Variants in ZFHX3 observed in about 807,000 individuals in gnomAD.
ZFHX3 encodes the protein zinc finger homeobox protein 3.
ZFHX3 carries 42 observed loss-of-function variants against 279.1 expected under a neutral mutation model. The observed-to-expected ratio is 0.15, with a 90% CI of 0.12 to 0.19. The LOEUF is 0.19. ZFHX3 is among the 10% of genes least tolerant of loss of function. ZFHX3 has a pLI of 1.00. For synonymous variants in ZFHX3, 2,293 were observed against 1,957.8 expected, an observed-to-expected ratio of 1.17 and a Z score of -4.52; for missense variants, 4,981 against 4,754.0, an observed-to-expected ratio of 1.05 and a Z score of -1.40.
At chr16:73,872,240 T>A (rs999627047) in intron 1 of ZFHX3, among the ~76,000 whole-genome samples, 11 of 151,096 alleles carry the variant, frequency 7.3e-5, no homozygotes, top group Non-Finnish European at 1.2e-4. Context: ...AGAGAGGACA[T>A]CCCTGTTTTT....
intron 3 of ZFHX3, among the ~76,000 whole-genome samples, chr16:72,917,483 C>T (rs955966747): frequency 4.6e-5 from 7 of 152,128 alleles, no homozygotes; most frequent in Non-Finnish European, 1.0e-4. Context: ...CAGTGAAAAA[C>T]TGGAAACAAG....
intron 2 of ZFHX3, among the ~76,000 whole-genome samples, chr16:73,591,158 C>T (rs1360587105): frequency 6.7e-6 from 1 of 149,552 alleles, no homozygotes; most frequent in Admixed American, 6.7e-5. Context: ...CGAGATCAGC[C>T]TGACCAACAT....
intron 2 of ZFHX3, among the ~76,000 whole-genome samples, chr16:73,639,865 G>A (rs2052558725): frequency 6.6e-6 from 1 of 152,176 alleles, no homozygotes; most frequent in African/African-American, 2.4e-5. Flanking sequence ...AGGAAAAAAA[G>A]CCATGATAAG....
intron 5 of ZFHX3, among the ~76,000 whole-genome samples, chr16:73,226,377 T>C (rs1442299993): frequency 1.3e-5 from 2 of 152,250 alleles, no homozygotes; most frequent in African/African-American, 4.8e-5. Context: ...TGTACACATG[T>C]TGTTCTAAGC....
chr16:73,504,290 A>T (rs1337974010), intron 2 of ZFHX3: 2 of 152,232 alleles, frequency 1.3e-5, no homozygotes, highest in Non-Finnish European at 2.9e-5. Flanking sequence ...AAGGAAAGAA[A>T]CAAGTGAACT....
intron 1 of ZFHX3, among the ~76,000 whole-genome samples, chr16:72,960,642 CA>C (rs1342791208): frequency 6.6e-6 from 1 of 152,256 alleles, no homozygotes; most frequent in African/African-American, 2.4e-5. Context: ...GTCTGTGGGT[CA>C]GGGGAACACA....
At chr16:73,730,372 A>AAAAAAAAAAG (rs1567564117) in intron 1 of ZFHX3, among the ~76,000 whole-genome samples, 2 of 114,572 alleles carry the variant, frequency 1.7e-5, no homozygotes, top group Non-Finnish European at 3.7e-5. Context: ...AAAAAAAAAA[A>AAAAAAAAAAG]AAAGAAAAAG....
chr16:73,532,017 G>A (rs938851106), intron 2 of ZFHX3, among the ~76,000 whole-genome samples: 6 of 152,092 alleles, frequency 3.9e-5, no homozygotes, highest in African/African-American at 1.4e-4. Flanking sequence ...GAGCCCATGA[G>A]TTGGAGGTTA....
intron 5 of ZFHX3, among the ~76,000 whole-genome samples, chr16:73,156,453 C>G (rs1385359825): frequency 3.3e-5 from 5 of 152,142 alleles, no homozygotes; most frequent in African/African-American, 1.2e-4. Context: ...AGAACTGCTA[C>G]CATGGATCCG....
chr16:73,382,058 G>C (rs1428366140), intron 3 of ZFHX3, among the ~76,000 whole-genome samples: 1 of 152,190 alleles, frequency 6.6e-6, no homozygotes, highest in Non-Finnish European at 1.5e-5. Context: ...TGGCCTGTGG[G>C]CCATAGTTTG....
intron 4 of ZFHX3, among the ~76,000 whole-genome samples, chr16:72,885,323 C>T (rs2038596666): frequency 6.6e-6 from 1 of 152,238 alleles, no homozygotes; most frequent in Admixed American, 6.5e-5. Context: ...ATGTACGTGC[C>T]CAACCACGAG....
intron 1 of ZFHX3, among the ~76,000 whole-genome samples, chr16:73,704,107 G>A (rs931931375): frequency 9.2e-5 from 14 of 152,154 alleles, no homozygotes; most frequent in Admixed American, 5.9e-4. Flanking sequence ...GATTGGGCAC[G>A]TTCAGGGTGG....
intron 3 of ZFHX3, among the ~76,000 whole-genome samples, chr16:73,423,803 A>G (rs2017761281): frequency 2.0e-5 from 3 of 151,386 alleles, no homozygotes; most frequent in Non-Finnish European, 4.4e-5. Context: ...TGGAGGTTGC[A>G]GTGAGCTGAG....
chr16:73,252,947 G>C (rs1355435184), intron 5 of ZFHX3, among the ~76,000 whole-genome samples: 1 of 152,226 alleles, frequency 6.6e-6, no homozygotes, highest in Non-Finnish European at 1.5e-5. Context: ...CTTTTCTCCA[G>C]CAGAGAAAGC....
intron 2 of ZFHX3, among the ~76,000 whole-genome samples, chr16:73,675,419 A>ACATT (rs745622982): frequency 6.6e-6 from 1 of 152,168 alleles, no homozygotes; most frequent in Non-Finnish European, 1.5e-5. Flanking sequence ...GGTTTATCTT[A>ACATT]CATTCATTCA....
rs775689402 is a variant in ZFHX3, at chr16:73,447,726, G to A, written c.-1291+8277C>T. On this transcript the variant is annotated intron_variant, in intron 3 of 17. Coordinates refer to the ZFHX3 transcript ENST00000641206. ...GAAAGAAGGGTCTCAGGTAAAGCAG[G>A]AAGTTGGTCAAGAAGAATTTATTTA... 1.1e-4 allele frequency among the ~76,000 whole-genome samples: 16 copies of A among 152,172 alleles called. 1 individual carries two copies. The highest frequency in any genetic ancestry group is 2.2e-4 in the Non-Finnish European group (15 of 68,024).
chr16:73,025,525 G>A (rs904761771), intron 1 of ZFHX3, among the ~76,000 whole-genome samples: 2 of 152,156 alleles, frequency 1.3e-5, no homozygotes, highest in South Asian at 2.1e-4. Context: ...AGTAATCCAG[G>A]GTCCTCTAAT....
chr16:72,793,343 T>A lies in ZFHX3; in HGVS notation c.9339A>T (p.Thr3113=). ...GAATGCCCTGGAGCGCTGGATATGC[T>A]GTAGGAAGGTTAAGGGCCTGAAGAG... ...NTPLQALNLP[T]AYPALQGIPP... is the part of the protein sequence containing the mutation. The change falls in exon 9 of 10, where the codon ACA becomes ACT. Residue 3113 remains threonine, a synonymous_variant. Coordinates refer to ENST00000268489, the MANE Select transcript of ZFHX3 (RefSeq NM_006885.4). The surrounding 1 kb of genome is among the most constrained non-coding windows in gnomAD (Gnocchi z 4.3). 6.2e-7 allele frequency: 1 copy of A among 1,614,172 alleles called. No homozygotes were observed. The highest frequency in any genetic ancestry group is 8.5e-7 in the Non-Finnish European group (1 of 1,180,018).
At chr16:73,197,977 G>A (rs892064897) in intron 5 of ZFHX3, among the ~76,000 whole-genome samples, 6 of 110,954 alleles carry the variant, frequency 5.4e-5, no homozygotes, top group Admixed American at 1.4e-4. Context: ...TTGCTCTGTC[G>A]CCAAGGCTGG....
Sources: gnomAD v4.1 joint callset for allele counts (sites outside exome capture counted in the v4.1 genomes callset) on GRCh38, gnomAD v4.1.1 for gene constraint, Gnocchi (gnomAD v3.1) non-coding constraint, MANE v1.5 for transcripts, NCBI Gene and HGNC (gene_info 2026-07-23, HGNC 2026-07-21) for gene names.